The following PDE4D variants were observed in gnomAD, a reference collection of about 807,000 sequenced individuals.
PDE4D encodes the protein phosphodiesterase 4D.
Under a neutral mutation model 87.4 loss-of-function variants are expected in PDE4D, and 24 were observed. That is an observed-to-expected ratio of 0.27 (90% confidence interval 0.20 to 0.39). PDE4D has a LOEUF of 0.39. PDE4D is among the 10% of genes least tolerant of loss of function. The pLI is 1.00. For synonymous variants in PDE4D, 384 were observed against 383.2 expected, an observed-to-expected ratio of 1.00 and a Z score of -0.02; for missense variants, 714 against 1,041.0, an observed-to-expected ratio of 0.69 and a Z score of 4.32.
intron 2 of PDE4D, among the ~76,000 whole-genome samples, chr5:60,110,880 T>C (rs1197838840): frequency 6.6e-6 from 1 of 152,112 alleles, no homozygotes; most frequent in African/African-American, 2.4e-5. Context: ...GAGGATATTA[T>C]GTTAAGTGAA....
intron 1 of PDE4D, among the ~76,000 whole-genome samples, chr5:59,712,701 A>G (rs1238163942): frequency 1.3e-5 from 2 of 151,732 alleles, no homozygotes; most frequent in Non-Finnish European, 2.9e-5. Context: ...GGTAAGTTTA[A>G]TTTGCAAAAC....
chr5:60,201,682 T>C (rs982369443), intron 1 of PDE4D, among the ~76,000 whole-genome samples: 1 of 152,138 alleles, frequency 6.6e-6, no homozygotes, highest in Non-Finnish European at 1.5e-5. Context: ...CAATTCCCCC[T>C]TGTCTCCCAT....
In PDE4D at chr5:60,337,384, T is replaced by TACACACAC. The variant is rs1231392851; in HGVS notation, c.-90+150557_-90+150558insGTGTGTGT. Among the ~76,000 whole-genome samples, 63 of 100,328 alleles carry TACACACAC rather than the reference T, an allele frequency of 6.3e-4. 1 individual carries two copies. The highest frequency in any genetic ancestry group is 2.3e-3 in the African/African-American group (59 of 25,722). The allele number at this position is 100,328 out of a possible 152,430, so 65.8% of individuals were successfully genotyped here. A position where few individuals can be genotyped will look rare whatever the true frequency, so the allele number is the denominator to read the frequency against. Reference sequence around the variant, plus strand: ...ATATATATATATATATATATATATATATATACACACACACACACACACATA... The same window carrying TACACACAC: ...ATATATATATATATATATATATATATACACACACATATACACACACACACACACACATA... On this transcript the variant is annotated intron_variant, in intron 1 of 16. Coordinates refer to the PDE4D transcript ENST00000502484.
intron 1 of PDE4D, among the ~76,000 whole-genome samples, chr5:60,298,150 T>TA (rs5868233): frequency 0.12 from 16,364 of 141,830 alleles, 1,066 homozygotes; most frequent in South Asian, 0.3. Context: ...ACCAGAAAAA[T>TA]AAAAAAAAAA....
Position 59,536,319 on chromosome 5 carries a change from C to T in PDE4D, c.456-320351G>A, listed in dbSNP as rs370017599. 9.9e-5 allele frequency among the ~76,000 whole-genome samples: 15 copies of T among 151,838 alleles called. No individual in the cohort carries two copies. In the East Asian group the frequency reaches 1.6e-3, roughly 16 times the overall value. Reference sequence around the variant, plus strand: ...AGGAGATTGAGACCATCCTGGCTAACACGATGAAACCCTGTCTCTACTAAA... The same window carrying T: ...AGGAGATTGAGACCATCCTGGCTAATACGATGAAACCCTGTCTCTACTAAA... On this transcript the variant is annotated intron_variant, in intron 1 of 14. Coordinates refer to ENST00000340635, the MANE Select transcript of PDE4D (RefSeq NM_001104631.2).
chr5:59,064,150 G>A (rs932436854), intron 5 of PDE4D, among the ~76,000 whole-genome samples: 1 of 151,782 alleles, frequency 6.6e-6, no homozygotes, highest in Non-Finnish European at 1.5e-5. Flanking sequence ...AGACATGGAG[G>A]GGGCAGAGGG....
intron 1 of PDE4D, among the ~76,000 whole-genome samples, chr5:59,684,646 G>T (rs1189416657): frequency 6.6e-6 from 1 of 152,184 alleles, no homozygotes; most frequent in Non-Finnish European, 1.5e-5. Context: ...AGGATATGCT[G>T]CAGACCTCCA....
chr5:60,063,095 G>GAAAGA (rs1554144202), intron 2 of PDE4D, among the ~76,000 whole-genome samples: 3 of 97,220 alleles, frequency 3.1e-5, no homozygotes, highest in African/African-American at 1.2e-4. Flanking sequence ...AAGAAAGAAA[G>GAAAGA]AAGAAAGAAA....
chr5:59,649,087 C>A (rs1283647708), intron 1 of PDE4D, among the ~76,000 whole-genome samples: 1 of 152,144 alleles, frequency 6.6e-6, no homozygotes, highest in East Asian at 1.9e-4. Context: ...CTTGTGACCA[C>A]ATAGGGCACA....
At chr5:60,046,176 T>C (rs1769216464) in intron 2 of PDE4D, among the ~76,000 whole-genome samples, 1 of 152,196 alleles carries the variant, frequency 6.6e-6, no homozygotes. Flanking sequence ...TTGTCTGTTG[T>C]TGGTGTATAA....
chr5:59,581,742 C>T (rs772553853), intron 1 of PDE4D, among the ~76,000 whole-genome samples: 10 of 152,222 alleles, frequency 6.6e-5, no homozygotes, highest in South Asian at 2.1e-4. Context: ...AAAACATAAA[C>T]ATTTGTAATT....
intron 5 of PDE4D, among the ~76,000 whole-genome samples, chr5:59,079,646 C>T (rs1007752277): frequency 1.4e-5 from 2 of 138,594 alleles, no homozygotes; most frequent in African/African-American, 5.1e-5. Flanking sequence ...GGCAACATAG[C>T]AGGACCCATC....
intron 3 of PDE4D, among the ~76,000 whole-genome samples, chr5:59,926,513 C>T (rs528665161): frequency 2.6e-5 from 4 of 152,024 alleles, no homozygotes; most frequent in Admixed American, 2.6e-4. Context: ...AAGATCAGTG[C>T]AGAAGTAAAT....
At chr5:59,306,640 T>A (rs1771436402) in intron 1 of PDE4D, among the ~76,000 whole-genome samples, 1 of 151,620 alleles carries the variant, frequency 6.6e-6, no homozygotes, top group South Asian at 2.1e-4. Flanking sequence ...TACCTATGAA[T>A]CCAACTTACA....
At position 60,207,677 on chromosome 5, in the gene PDE4D, C is replaced by T. The variant is rs920130713; in HGVS notation, c.-89-21990G>A. On this transcript the variant is annotated intron_variant, in intron 1 of 16. Coordinates refer to the PDE4D transcript ENST00000502484. ...ATTGAGATATAGTAAACATTCTCTC[C>T]CCAATAAACTCCTTCAATATTCTAA... Among the ~76,000 whole-genome samples the T allele has an allele frequency of 2.0e-5, 3 of 152,018 alleles. No homozygotes were observed. In the South Asian group the frequency reaches 6.2e-4, roughly 32 times the overall value.
chr5:59,706,095 G>A (rs745865150), intron 1 of PDE4D, among the ~76,000 whole-genome samples: 1 of 152,088 alleles, frequency 6.6e-6, no homozygotes, highest in Non-Finnish European at 1.5e-5. Flanking sequence ...TTTCAAGAAT[G>A]ACAAAAACGA....
At chr5:59,598,119 G>C (rs762996257) in intron 1 of PDE4D, among the ~76,000 whole-genome samples, 4 of 152,012 alleles carry the variant, frequency 2.6e-5, no homozygotes, top group Non-Finnish European at 4.4e-5. Context: ...TTTCTCTCTG[G>C]GAAGCACATT....
chr5:59,791,886 G>C (rs774449719), intron 1 of PDE4D, among the ~76,000 whole-genome samples: 2 of 152,146 alleles, frequency 1.3e-5, no homozygotes, highest in Non-Finnish European at 2.9e-5. Flanking sequence ...ATTATATCCA[G>C]CTCCTGGGAT....
intron 1 of PDE4D, among the ~76,000 whole-genome samples, chr5:60,359,878 T>C (rs1029975457): frequency 6.6e-6 from 1 of 152,214 alleles, no homozygotes; most frequent in African/African-American, 2.4e-5. Context: ...TCTAGTGCCA[T>C]ATTTTCTTAC....
Sources: allele counts gnomAD v4.1 joint callset (sites outside exome capture counted in the v4.1 genomes callset), GRCh38; gene constraint gnomAD v4.1.1; transcripts MANE v1.5; gene names NCBI Gene and HGNC (gene_info 2026-07-23, HGNC 2026-07-21).